Variants in MGMT observed in about 807,000 individuals in gnomAD.
MGMT encodes the protein methylated-DNA--protein-cysteine methyltransferase.
In MGMT, 14 loss-of-function variants were observed where a neutral mutation model predicts 15.9. That is an observed-to-expected ratio of 0.88 (90% confidence interval 0.58 to 1.37). MGMT has a LOEUF of 1.37. Among genes scored for constraint, MGMT ranks in the 40% most tolerant of loss-of-function variants. MGMT has a pLI of 0.00. For synonymous variants in MGMT, 130 were observed against 118.2 expected, an observed-to-expected ratio of 1.10 and a Z score of -0.65; for missense variants, 282 against 268.1, an observed-to-expected ratio of 1.05 and a Z score of -0.36.
rs1319262647 is a variant in MGMT at position 129,769,978 on chromosome 10, A to G, written c.*2981A>G. 6.6e-6 allele frequency among the ~76,000 whole-genome samples: 1 copy of G among 152,194 alleles called. No individual in the cohort carries two copies. Among genetic ancestry groups the G allele is most frequent in the East Asian group, 1.9e-4 (1 of 5,180 alleles). ...GAGGAAGTGGGCAAGCTCACCTTGTAGAGAACTTACTTGGGGTTTGTAATT... is the reference window on the plus strand; with the variant it reads ...GAGGAAGTGGGCAAGCTCACCTTGTGGAGAACTTACTTGGGGTTTGTAATT... On this transcript the variant is annotated 3_prime_UTR_variant, in exon 5 of 5. Transcript: ENST00000651593.
chr10:129,721,783 G>A (rs1344950729), intron 3 of MGMT, among the ~76,000 whole-genome samples: 1 of 151,160 alleles, frequency 6.6e-6, no homozygotes, highest in East Asian at 1.9e-4. Flanking sequence ...TGGGCCAACA[G>A]AAAAGATAAA....
chr10:129,520,110 G>C (rs753794679), intron 1 of MGMT, among the ~76,000 whole-genome samples: 1 of 152,196 alleles, frequency 6.6e-6, no homozygotes, highest in African/African-American at 2.4e-5. Context: ...GTTTATCTGC[G>C]TGAGCTCATG....
intron 1 of MGMT, among the ~76,000 whole-genome samples, chr10:129,503,449 T>TGG (rs1435504233): frequency 6.6e-6 from 1 of 152,222 alleles, no homozygotes; most frequent in African/African-American, 2.4e-5. Context: ...TACAATAAAA[T>TGG]TAACCTGAAT....
chr10:129,580,246 G>A lies in MGMT; in HGVS notation c.125+43869G>A, dbSNP rs560531359. On this transcript the variant is annotated intron_variant, in intron 2 of 4. Transcript: ENST00000651593. ...GGGCGGGACTGCGCAGGATCAGGGG[G>A]ATGCGCGGGAGCCAGTGGTGCTGAC... 3.3e-5 allele frequency among the ~76,000 whole-genome samples: 5 copies of A among 152,322 alleles called. No homozygotes were observed. In the South Asian group the frequency reaches 1.0e-3, roughly 32 times the overall value.
At chr10:129,557,176 C>T (rs1846223674) in intron 2 of MGMT, among the ~76,000 whole-genome samples, 1 of 152,212 alleles carries the variant, frequency 6.6e-6, no homozygotes, top group Non-Finnish European at 1.5e-5. Flanking sequence ...TATCAGAAAG[C>T]ATGTGCTAAT....
In MGMT at chr10:129,732,607, G is replaced by A. The variant is rs182995637; in HGVS notation, c.274+24564G>A. Among the ~76,000 whole-genome samples the A allele has an allele frequency of 4.8e-3, 727 of 150,134 alleles. 5 individuals carry two copies. Among genetic ancestry groups the A allele is most frequent in the African/African-American group, 0.017 (694 of 40,746 alleles). ...GTTTTAGGGTGCATGTGCATAATGT[G>A]CAGGTTAGTTACATATGTATACATG... On this transcript the variant is annotated intron_variant, in intron 3 of 4. Coordinates refer to ENST00000651593, the MANE Select transcript of MGMT (RefSeq NM_002412.5).
intron 2 of MGMT, among the ~76,000 whole-genome samples, chr10:129,670,562 C>A (rs887989836): frequency 6.6e-6 from 1 of 151,920 alleles, no homozygotes; most frequent in South Asian, 2.1e-4. Flanking sequence ...TTGAGAAAAT[C>A]AAAGAAACCA....
At chr10:129,720,947 A>G (rs1455589091) in intron 3 of MGMT, among the ~76,000 whole-genome samples, 2 of 151,972 alleles carry the variant, frequency 1.3e-5, no homozygotes, top group Non-Finnish European at 2.9e-5. Flanking sequence ...AGGGGGAAAA[A>G]AAAAAAAGCA....
At chr10:129,647,205 G>A (rs530883436) in intron 2 of MGMT, among the ~76,000 whole-genome samples, 8 of 152,262 alleles carry the variant, frequency 5.3e-5, no homozygotes, top group Admixed American at 2.0e-4. Context: ...AATGGTGGTC[G>A]CTCTCATTAG....
chr10:129,691,431 G>A (rs1296983932), intron 2 of MGMT, among the ~76,000 whole-genome samples: 1 of 152,256 alleles, frequency 6.6e-6, no homozygotes, highest in Non-Finnish European at 1.5e-5. Flanking sequence ...GCAGTGTCCT[G>A]AAGCAGCGTG....
At chr10:129,638,772 G>A (rs1847294251) in intron 2 of MGMT, among the ~76,000 whole-genome samples, 1 of 152,090 alleles carries the variant, frequency 6.6e-6, no homozygotes, top group South Asian at 2.1e-4. Context: ...AAACTCACCA[G>A]TAAGAAAAAG....
At chr10:129,591,176 GA>G (rs1846679803) in intron 2 of MGMT, among the ~76,000 whole-genome samples, 1 of 152,194 alleles carries the variant, frequency 6.6e-6, no homozygotes, top group South Asian at 2.1e-4. Context: ...CCAGAACTGG[GA>G]CGGGCATGAT....
At chr10:129,536,200 T>G in intron 1 of MGMT, 41 bp from the exon 2 acceptor site, 1 of 1,608,282 alleles carries the variant, frequency 6.2e-7, no homozygotes, top group Non-Finnish European at 8.5e-7. Context: ...ACGACCAGCC[T>G]CTTACCTATA....
chr10:129,657,398 A>C (rs1847536119), intron 2 of MGMT, among the ~76,000 whole-genome samples: 1 of 108,616 alleles, frequency 9.2e-6, no homozygotes, highest in Non-Finnish European at 1.8e-5. Context: ...CATTCTAGGG[A>C]TTGTGGGGGT....
chr10:129,746,621 C>T (rs1340237124), intron 3 of MGMT, among the ~76,000 whole-genome samples: 1 of 152,098 alleles, frequency 6.6e-6, no homozygotes, highest in East Asian at 1.9e-4. Flanking sequence ...AACATTTGGT[C>T]GTGCTTCAGT....
At chr10:129,679,335 C>T (rs532758621) in intron 2 of MGMT, among the ~76,000 whole-genome samples, 2 of 151,746 alleles carry the variant, frequency 1.3e-5, no homozygotes, top group Admixed American at 1.3e-4. Context: ...CCAGAACTGG[C>T]GTGAGGTCCG....
At chr10:129,731,445 A>G (rs1848496845) in intron 3 of MGMT, among the ~76,000 whole-genome samples, 1 of 143,150 alleles carries the variant, frequency 7.0e-6, no homozygotes, top group South Asian at 2.2e-4. Flanking sequence ...TTACTGCAAC[A>G]TCTGCCTCCT....
intron 2 of MGMT, among the ~76,000 whole-genome samples, chr10:129,541,396 C>T (rs1312064775): frequency 2.6e-5 from 4 of 152,360 alleles, no homozygotes; most frequent in Middle Eastern, 6.8e-3. Flanking sequence ...CGCCATCTTC[C>T]CGCAGCTGCA....
intron 2 of MGMT, among the ~76,000 whole-genome samples, chr10:129,580,554 T>C (rs1393486255): frequency 6.6e-6 from 1 of 152,148 alleles, no homozygotes; most frequent in Non-Finnish European, 1.5e-5. Flanking sequence ...CTAAAGCCCA[T>C]GCACACCTCC....
Sources: allele counts gnomAD v4.1 joint callset (sites outside exome capture counted in the v4.1 genomes callset), GRCh38; gene constraint gnomAD v4.1.1; transcripts MANE v1.5; gene names NCBI Gene and HGNC (gene_info 2026-07-23, HGNC 2026-07-21).